GRIK2: variants seen among roughly 807,000 people sequenced by gnomAD.
GRIK2 encodes glutamate ionotropic receptor kainate type subunit 2, also known as glutamate receptor ionotropic, kainate 2.
In GRIK2, 32 loss-of-function variants were observed where a neutral mutation model predicts 100.3. The observed-to-expected ratio is 0.32, with a 90% confidence interval of 0.24 to 0.43. GRIK2 has a LOEUF of 0.43. Among genes scored for constraint, GRIK2 ranks in the 20% least tolerant of loss-of-function variants. The pLI is 1.00. For synonymous variants in GRIK2, 417 were observed against 389.4 expected, an observed-to-expected ratio of 1.07 and a Z score of -0.83; for missense variants, 843 against 1,114.9, an observed-to-expected ratio of 0.76 and a Z score of 3.47.
At chr6:101,835,782 T>G (rs1365875895) in intron 10 of GRIK2, among the ~76,000 whole-genome samples, 1 of 146,176 alleles carries the variant, frequency 6.8e-6, no homozygotes, top group Non-Finnish European at 1.5e-5. Flanking sequence ...TTCTTTTATG[T>G]CTTTGGAAGC....
At chr6:101,657,336 A>G (rs1769270119) in intron 4 of GRIK2, among the ~76,000 whole-genome samples, 1 of 152,116 alleles carries the variant, frequency 6.6e-6, no homozygotes, top group Non-Finnish European at 1.5e-5. Context: ...GCCGCCATGT[A>G]AGATGTGCCT....
chr6:101,884,548 G>A (rs1582454203), intron 11 of GRIK2, among the ~76,000 whole-genome samples: 2 of 152,012 alleles, frequency 1.3e-5, no homozygotes, highest in Non-Finnish European at 1.5e-5. Flanking sequence ...CTAATTTTTG[G>A]TTTAAGTTTC....
In GRIK2 at chr6:101,765,791, G is replaced by A. The variant is rs376438641; in HGVS notation, c.952-33857G>A. Reference sequence around the variant, plus strand: ...AATGGAAGGCACTATTTTAAAGTAGGGTTTCATCTGAGTGCATGTGATTAA... The same window carrying A: ...AATGGAAGGCACTATTTTAAAGTAGAGTTTCATCTGAGTGCATGTGATTAA... On this transcript the variant is annotated intron_variant, in intron 7 of 16. Transcript: ENST00000369134. Among the ~76,000 whole-genome samples, 12 of 152,078 alleles carry A rather than the reference G, an allele frequency of 7.9e-5. No homozygotes were observed. In the East Asian group the frequency reaches 1.7e-3, roughly 22 times the overall value.
intron 12 of GRIK2, 187 bp downstream of exon 12, chr6:101,890,050 A>G (rs947404090): frequency 5.0e-5 from 29 of 581,974 alleles, no homozygotes; most frequent in African/African-American, 2.1e-4. Context: ...GTGGGCAGAG[A>G]GCATGCTGGT....
chr6:101,972,317 T>C (rs1435675752), intron 14 of GRIK2, among the ~76,000 whole-genome samples: 1 of 152,052 alleles, frequency 6.6e-6, no homozygotes, highest in Non-Finnish European at 1.5e-5. Context: ...AGATGGTATC[T>C]TATTGTGGTT....
At chr6:101,757,892 T>C (rs898518411) in intron 7 of GRIK2, among the ~76,000 whole-genome samples, 9 of 152,248 alleles carry the variant, frequency 5.9e-5, no homozygotes, top group African/African-American at 2.2e-4. Context: ...CTGCTTAGAA[T>C]TGATATCTGA....
At chr6:101,457,265 G>T (rs73502691) in intron 2 of GRIK2, among the ~76,000 whole-genome samples, 1 of 152,144 alleles carries the variant, frequency 6.6e-6, no homozygotes, top group East Asian at 1.9e-4. Flanking sequence ...TTGTAAGAGG[G>T]TATGGTAAAC....
intron 2 of GRIK2, among the ~76,000 whole-genome samples, chr6:101,574,710 G>A (rs562403758): frequency 7.3e-4 from 111 of 151,596 alleles, no homozygotes; most frequent in East Asian, 1.9e-4. Flanking sequence ...CTGTTTACTC[G>A]GATATTTTAA....
intron 2 of GRIK2, among the ~76,000 whole-genome samples, chr6:101,420,810 T>A (rs1250338269): frequency 2.0e-5 from 3 of 152,194 alleles, no homozygotes; most frequent in African/African-American, 7.2e-5. Context: ...AAGGTTTTTT[T>A]AGAGGTATTT....
At position 101,751,419 on chromosome 6, in the gene GRIK2, C is replaced by T. The variant is rs572962106; in HGVS notation, c.952-48229C>T. Among the ~76,000 whole-genome samples, 3 of 152,134 alleles carry T rather than the reference C, an allele frequency of 2.0e-5. No homozygotes were observed. The South Asian group carries it at 6.2e-4, about 32-fold the overall frequency. On this transcript the variant is annotated intron_variant, in intron 7 of 16. Coordinates refer to ENST00000369134, the MANE Select transcript of GRIK2 (RefSeq NM_021956.5). ...CTCACTTTACTTTTCCATTTTATAT[C>T]ATAGTAAATCCGAGACATCACATCA... is the stretch of plus-strand genomic sequence containing the variant.
intron 2 of GRIK2, among the ~76,000 whole-genome samples, chr6:101,517,164 T>C (rs1377064046): frequency 1.3e-5 from 2 of 152,092 alleles, no homozygotes; most frequent in Non-Finnish European, 2.9e-5. Context: ...AATGGCAGAC[T>C]TTGTGGGAGG....
At chr6:101,982,497 T>C (rs1272441481) in intron 14 of GRIK2, among the ~76,000 whole-genome samples, 2 of 151,736 alleles carry the variant, frequency 1.3e-5, no homozygotes. Flanking sequence ...TTCGGTTTTG[T>C]GTGAATCGTG....
At chr6:101,881,531 A>G (rs1269632059) in intron 11 of GRIK2, among the ~76,000 whole-genome samples, 1 of 152,020 alleles carries the variant, frequency 6.6e-6, no homozygotes, top group Non-Finnish European at 1.5e-5. Context: ...GATTATTTTT[A>G]AATAAAAGTT....
At chr6:102,000,533 T>C (rs988715591) in intron 14 of GRIK2, among the ~76,000 whole-genome samples, 49 of 152,210 alleles carry the variant, frequency 3.2e-4, no homozygotes, top group African/African-American at 1.1e-3. Flanking sequence ...TTTGGTTTTC[T>C]GTTTTTAATG....
intron 14 of GRIK2, among the ~76,000 whole-genome samples, chr6:102,033,334 T>G (rs1378882855): frequency 6.6e-6 from 1 of 151,254 alleles, no homozygotes; most frequent in Non-Finnish European, 1.5e-5. Context: ...TTCAACTTAT[T>G]TCTTCTGGTT....
intron 14 of GRIK2, among the ~76,000 whole-genome samples, chr6:101,967,607 T>A (rs1053969578): frequency 3.3e-5 from 5 of 152,018 alleles, no homozygotes; most frequent in Non-Finnish European, 7.4e-5. Flanking sequence ...CAGTCACGGG[T>A]CAAAAGTGAA....
intron 14 of GRIK2, among the ~76,000 whole-genome samples, chr6:101,928,886 G>A (rs966025433): frequency 6.6e-6 from 1 of 152,052 alleles, no homozygotes; most frequent in Non-Finnish European, 1.5e-5. Context: ...CAGCCCAAGG[G>A]TAACATTTTT....
chr6:101,501,702 C>A (rs145427143), intron 2 of GRIK2, among the ~76,000 whole-genome samples: 7 of 152,244 alleles, frequency 4.6e-5, no homozygotes, highest in African/African-American at 1.7e-4. Context: ...TGAAACCTGG[C>A]TCTAATGCTG....
intron 10 of GRIK2, among the ~76,000 whole-genome samples, chr6:101,825,416 G>A (rs1782257216): frequency 6.6e-6 from 1 of 152,030 alleles, no homozygotes; most frequent in Non-Finnish European, 1.5e-5. Context: ...ATTGATGGTG[G>A]TAGAGAAAGA....
Sources: allele counts gnomAD v4.1 joint callset (sites outside exome capture counted in the v4.1 genomes callset), GRCh38; gene constraint gnomAD v4.1.1; transcripts MANE v1.5; gene names NCBI Gene and HGNC (gene_info 2026-07-23, HGNC 2026-07-21).